The following CHMP3 variants were observed in gnomAD, a reference collection of about 807,000 sequenced individuals.
CHMP3 encodes 25.1 protein.
A neutral mutation model predicts 27.4 loss-of-function variants in CHMP3; 8 were observed. That is an observed-to-expected ratio of 0.29 (90% CI 0.17 to 0.53). The LOEUF is 0.53. CHMP3 is among the 20% of genes least tolerant of loss of function. CHMP3 has a pLI of 0.96. For missense variants in CHMP3, 208 were observed against 271.5 expected (o/e 0.77, Z 1.64); for synonymous variants, 86 against 85.5 (o/e 1.01, Z -0.03).
intron 3 of CHMP3, among the ~76,000 whole-genome samples, chr2:86,519,673 T>C (rs1353636205): frequency 7.9e-5 from 12 of 152,052 alleles, no homozygotes; most frequent in Non-Finnish European, 1.5e-5. Context: ...AAACAATCAG[T>C]TTGTGAGGAA....
chr2:86,527,562 T>C (rs1378582092), intron 3 of CHMP3, among the ~76,000 whole-genome samples: 2 of 152,190 alleles, frequency 1.3e-5, no homozygotes, highest in Non-Finnish European at 2.9e-5. Context: ...ACTATTTCTT[T>C]ATGGCACTGA....
At chr2:86,550,378 A>AGGAGAGGGAGAGAGGG (rs1277551787) in intron 1 of CHMP3, among the ~76,000 whole-genome samples, 2 of 149,560 alleles carry the variant, frequency 1.3e-5, no homozygotes, top group African/African-American at 4.9e-5. Context: ...GGAGACGGAG[A>AGGAGAGGGAGAGAGGG]GGAGAGGGAG....
At chr2:86,508,183 T>C (rs1674960054) in intron 4 of CHMP3, among the ~76,000 whole-genome samples, 1 of 152,188 alleles carries the variant, frequency 6.6e-6, no homozygotes, top group Non-Finnish European at 1.5e-5. Context: ...ACAATACTTC[T>C]GGACTCAACA....
At chr2:86,556,922 A>G (rs1677145995) in intron 1 of CHMP3, among the ~76,000 whole-genome samples, 1 of 152,218 alleles carries the variant, frequency 6.6e-6, no homozygotes, top group Admixed American at 6.5e-5. Flanking sequence ...ACTCCTGTCC[A>G]TGAAACAAGT....
At chr2:86,518,363 G>T (rs1367735134) in intron 3 of CHMP3, among the ~76,000 whole-genome samples, 1 of 151,864 alleles carries the variant, frequency 6.6e-6, no homozygotes. Context: ...CTATAATATG[G>T]TGAACCAAAA....
chr2:86,522,391 CCAA>C (rs1336459472), intron 3 of CHMP3, among the ~76,000 whole-genome samples: 1 of 152,154 alleles, frequency 6.6e-6, no homozygotes, highest in Non-Finnish European at 1.5e-5. Flanking sequence ...ATTTAATCTC[CCAA>C]CAAGCAACAC....
At chr2:86,532,367 T>G (rs1201692729) in intron 2 of CHMP3, among the ~76,000 whole-genome samples, 1 of 152,150 alleles carries the variant, frequency 6.6e-6, no homozygotes, top group Non-Finnish European at 1.5e-5. Context: ...ATTATACATA[T>G]AGTATCAGCT....
intron 3 of CHMP3, among the ~76,000 whole-genome samples, chr2:86,525,423 C>T (rs1190231322): frequency 1.3e-5 from 2 of 151,894 alleles, no homozygotes; most frequent in African/African-American, 4.8e-5. Context: ...TCTCATCTAT[C>T]TGTCTGGTGA....
At position 86,507,413 on chromosome 2, in the gene CHMP3, A is replaced by C. The variant is rs994148300; in HGVS notation, c.523+66T>G. On this transcript the variant is annotated intron_variant, in intron 5 of 5. Transcript: ENST00000263856. ...ATGCCTAAAGAAAAAGCTACTAGCT[A>C]ATTTAGTGAATGAAGGAAGAATGGC... 1.1e-5 allele frequency: 16 copies of C among 1,399,002 alleles called. No individual in the cohort carries two copies. The Admixed American group carries it at 2.2e-4, about 19-fold the overall frequency. 86.7% of individuals were successfully genotyped at this position (1,399,002 alleles called of 1,614,324 possible).
chr2:86,508,992 A>G (rs1038981194), intron 4 of CHMP3, among the ~76,000 whole-genome samples: 2 of 152,156 alleles, frequency 1.3e-5, no homozygotes, highest in Non-Finnish European at 2.9e-5. Flanking sequence ...TATTCATTCA[A>G]TCAGCAACGA....
chr2:86,511,761 C>A (rs1333012352), intron 3 of CHMP3: 1 of 151,964 alleles, frequency 6.6e-6, no homozygotes, highest in Non-Finnish European at 1.5e-5. Context: ...TTATTTGCAT[C>A]CTGAGTCTGT....
At chr2:86,540,630 G>A (rs868005467) in intron 2 of CHMP3, 4 of 151,954 alleles carry the variant, frequency 2.6e-5, no homozygotes, top group Admixed American at 1.3e-4. Flanking sequence ...TTTCTGTAGT[G>A]TCTAATTTGC....
chr2:86,517,206 A>G (rs1335315998), intron 3 of CHMP3, among the ~76,000 whole-genome samples: 1 of 152,252 alleles, frequency 6.6e-6, no homozygotes, highest in Non-Finnish European at 1.5e-5. Context: ...TGCATAAAAC[A>G]ATTTCTGCTA....
chr2:86,533,906 T>C (rs1242472644), intron 2 of CHMP3, among the ~76,000 whole-genome samples: 4 of 152,220 alleles, frequency 2.6e-5, no homozygotes, highest in Non-Finnish European at 4.4e-5. Flanking sequence ...TGTCTGTAAG[T>C]ATTTTCTGAT....
In CHMP3 at chr2:86,529,372, C is replaced by T; in HGVS notation, c.132G>A (p.Val44=). ...TGGCAGCATCTTTCACAGATCGTTT[C>T]ACTTTTTCTTCTTCTCTTTGGATAT... ...IRDIQREEEK[V]KRSVKDAAKK... Residue 44 remains valine, a synonymous_variant, in exon 3 of 6, where the codon GTG becomes GTA. Coordinates refer to ENST00000263856, the MANE Select transcript of CHMP3 (RefSeq NM_016079.4). The T allele has an allele frequency of 2.5e-6, 4 of 1,601,736 alleles. No homozygotes were observed. The highest frequency in any genetic ancestry group is 3.4e-6 in the Non-Finnish European group (4 of 1,175,948).
intron 1 of CHMP3, among the ~76,000 whole-genome samples, chr2:86,545,483 T>G (rs1226102002): frequency 6.5e-5 from 8 of 123,866 alleles, no homozygotes; most frequent in Non-Finnish European, 1.3e-4. Context: ...GCAGAGGCGC[T>G]CCTCACATCC....
intron 2 of CHMP3, among the ~76,000 whole-genome samples, chr2:86,539,072 C>T (rs1013721083): frequency 2.0e-5 from 3 of 152,130 alleles, no homozygotes. Flanking sequence ...ATTCATTTTG[C>T]AGTTGCTCAT....
Position 86,504,214 on chromosome 2 carries a change from C to T in CHMP3, c.*1590G>A, listed in dbSNP as rs1674801887. On this transcript the variant is annotated 3_prime_UTR_variant, in exon 6 of 6. Coordinates refer to ENST00000263856, the MANE Select transcript of CHMP3 (RefSeq NM_016079.4). ...CATTTGTCTAAGCCCATACAATGTA[C>T]AACACCAGAGTGAATCTTCATGTAA... is the stretch of plus-strand genomic sequence containing the variant. 6.6e-6 allele frequency: 1 copy of T among 152,080 alleles called. No homozygotes were observed. The highest frequency in any genetic ancestry group is 1.5e-5 in the Non-Finnish European group (1 of 68,024). The allele number at this position is 152,080 out of a possible 1,614,324, so 9.4% of individuals were successfully genotyped here. A position where few individuals can be genotyped will look rare whatever the true frequency, so the allele number is the denominator to read the frequency against.
At chr2:86,552,724 C>T (rs1038158580) in intron 1 of CHMP3, among the ~76,000 whole-genome samples, 15 of 152,272 alleles carry the variant, frequency 9.9e-5, no homozygotes, top group Admixed American at 3.9e-4. Flanking sequence ...CACAGGTTAC[C>T]TGTGAGGCAT....
Sources: gnomAD v4.1 joint callset for allele counts (sites outside exome capture counted in the v4.1 genomes callset) on GRCh38, gnomAD v4.1.1 for gene constraint, MANE v1.5 for transcripts, NCBI Gene and HGNC (gene_info 2026-07-23, HGNC 2026-07-21) for gene names.